APBB2: variants seen among roughly 807,000 people sequenced by gnomAD.
The protein encoded by APBB2 is amyloid beta precursor protein binding family B member 2, also known as Fe65-like 1.
APBB2 carries 38 observed loss-of-function variants against 82.5 expected under a neutral mutation model. The observed-to-expected ratio is 0.46, with a 90% confidence interval of 0.36 to 0.60. The LOEUF (loss-of-function observed/expected upper bound fraction) is 0.60. APBB2 is among the 20% of genes least tolerant of loss of function. The pLI is 0.00. For missense variants in APBB2, 772 were observed against 972.3 expected (o/e 0.79, Z 2.74); for synonymous variants, 341 against 368.2 (o/e 0.93, Z 0.85).
At chr4:41,201,879 T>C (rs992952327) in intron 1 of APBB2, among the ~76,000 whole-genome samples, 1 of 152,172 alleles carries the variant, frequency 6.6e-6, no homozygotes, top group African/African-American at 2.4e-5. Context: ...ACGCCCCACA[T>C]AGATCATACC....
chr4:41,092,073 T>A lies in APBB2; in HGVS notation c.-149+8566A>T, dbSNP rs113136713. ...TATGGTCCAGATCAAAATGCAGCCATCAAAATCTAATTTGCCAAAGCTGAT... is the reference window on the plus strand; with the variant it reads ...TATGGTCCAGATCAAAATGCAGCCAACAAAATCTAATTTGCCAAAGCTGAT... On this transcript the variant is annotated intron_variant, in intron 3 of 17. Coordinates refer to ENST00000508593, the MANE Select transcript of APBB2 (RefSeq NM_004307.2). Among the ~76,000 whole-genome samples, 1,189 of 152,268 alleles carry A rather than the reference T, an allele frequency of 7.8e-3. 18 individuals carry two copies. The highest frequency in any genetic ancestry group is 0.027 in the African/African-American group (1,111 of 41,552).
chr4:40,872,028 C>T (rs1765644024), intron 12 of APBB2, among the ~76,000 whole-genome samples: 1 of 152,172 alleles, frequency 6.6e-6, no homozygotes, highest in Non-Finnish European at 1.5e-5. Flanking sequence ...GTAGGGGTGG[C>T]GTATATTTCC....
At chr4:41,032,643 T>G (rs1430281761) in intron 5 of APBB2, among the ~76,000 whole-genome samples, 1 of 152,122 alleles carries the variant, frequency 6.6e-6, no homozygotes. Flanking sequence ...ATGGTAAAAT[T>G]TGACAGTTTT....
intron 6 of APBB2, among the ~76,000 whole-genome samples, chr4:40,958,532 T>C (rs1792263679): frequency 6.6e-6 from 1 of 152,192 alleles, no homozygotes; most frequent in Non-Finnish European, 1.5e-5. Context: ...AGCCTAAGCA[T>C]AATAATGAAA....
chr4:41,175,780 C>A (rs1769608554), intron 1 of APBB2, among the ~76,000 whole-genome samples: 1 of 152,018 alleles, frequency 6.6e-6, no homozygotes. Context: ...AAAATAAATG[C>A]CATGATATTA....
intron 12 of APBB2, among the ~76,000 whole-genome samples, chr4:40,839,599 G>A (rs1197715890): frequency 6.6e-6 from 1 of 151,946 alleles, no homozygotes; most frequent in Admixed American, 6.6e-5. Context: ...TTATAAATGA[G>A]GAAAAAGAAG....
chr4:40,957,345 C>T (rs1307550938), intron 6 of APBB2, among the ~76,000 whole-genome samples: 1 of 151,796 alleles, frequency 6.6e-6, no homozygotes, highest in Non-Finnish European at 1.5e-5. Flanking sequence ...GTAATTTGTA[C>T]TTAGATCAAG....
chr4:40,877,363 C>T (rs1767190254), intron 12 of APBB2, among the ~76,000 whole-genome samples: 2 of 152,174 alleles, frequency 1.3e-5, no homozygotes, highest in South Asian at 4.1e-4. Context: ...TCTCAAAAGA[C>T]AACTCAATTC....
At chr4:41,097,862 T>C (rs1580004641) in intron 3 of APBB2, among the ~76,000 whole-genome samples, 1 of 151,532 alleles carries the variant, frequency 6.6e-6, no homozygotes, top group African/African-American at 2.4e-5. Flanking sequence ...AGTGTGGAGG[T>C]TGTCTAGGGT....
intron 12 of APBB2, among the ~76,000 whole-genome samples, chr4:40,854,006 C>A (rs1760331178): frequency 6.6e-6 from 1 of 152,200 alleles, no homozygotes; most frequent in Non-Finnish European, 1.5e-5. Flanking sequence ...CTCAGTCCTT[C>A]ATGCTGCCTC....
chr4:41,010,483 G>C (rs1808023736), intron 6 of APBB2, among the ~76,000 whole-genome samples: 2 of 152,152 alleles, frequency 1.3e-5, no homozygotes, highest in Non-Finnish European at 2.9e-5. Context: ...GCAAATGAGT[G>C]GTAAGTGTCA....
At chr4:40,818,243 G>T (rs1232088103) in intron 17 of APBB2, among the ~76,000 whole-genome samples, 2 of 152,294 alleles carry the variant, frequency 1.3e-5, no homozygotes, top group Middle Eastern at 6.8e-3. Flanking sequence ...ATTCAGAGCG[G>T]GCAGGAGAGA....
chr4:40,818,424 C>T (rs978615113), intron 17 of APBB2, among the ~76,000 whole-genome samples: 10 of 152,160 alleles, frequency 6.6e-5, no homozygotes, highest in South Asian at 2.1e-4. Flanking sequence ...AACTCATTGT[C>T]GTTATCACTT....
chr4:40,935,258 G>A (rs1220731665), intron 7 of APBB2, 119 bp from the exon 8 acceptor site: 5 of 738,072 alleles, frequency 6.8e-6, no homozygotes, highest in Non-Finnish European at 1.1e-5. Flanking sequence ...AGATGGGTTA[G>A]GGAACAAGTT....
chr4:41,210,132 C>T (rs538655672), intron 1 of APBB2, among the ~76,000 whole-genome samples: 3 of 152,246 alleles, frequency 2.0e-5, no homozygotes, highest in South Asian at 2.1e-4. Flanking sequence ...GTCACTTGCC[C>T]GCCGCTCACC....
intron 2 of APBB2, among the ~76,000 whole-genome samples, chr4:41,103,825 C>T (rs1014137215): frequency 3.3e-5 from 5 of 152,188 alleles, no homozygotes; most frequent in Non-Finnish European, 5.9e-5. Flanking sequence ...GCTTCCTTGT[C>T]AATCACAAGT....
chr4:41,164,261 G>A (rs573800141), intron 1 of APBB2, among the ~76,000 whole-genome samples: 12 of 152,202 alleles, frequency 7.9e-5, no homozygotes, highest in Admixed American at 2.6e-4. Flanking sequence ...TCCCTCTTGC[G>A]GCATCACAAT....
rs74754172 is a variant in APBB2, at chr4:41,048,192, T to A, written c.-50-14888A>T. Among the ~76,000 whole-genome samples the A allele has an allele frequency of 2.7e-3, 413 of 152,354 alleles. 13 individuals are homozygous for A. The East Asian group carries it at 0.065, about 24-fold the overall frequency. On this transcript the variant is annotated intron_variant, in intron 4 of 17. Transcript: ENST00000508593. ...AAATCTGAAATCCAAAAGGCTCCAA[T>A]GAGCATTTCCTTTGAGAATCATGTC... is the stretch of plus-strand genomic sequence containing the variant.
chr4:41,042,764 C>G (rs1175809707), intron 4 of APBB2, among the ~76,000 whole-genome samples: 1 of 97,974 alleles, frequency 1.0e-5, no homozygotes, highest in African/African-American at 3.0e-5. Context: ...ACCCCTGCAG[C>G]TGACTGTAGC....
Sources: gnomAD v4.1 joint callset for allele counts (sites outside exome capture counted in the v4.1 genomes callset) on GRCh38, gnomAD v4.1.1 for gene constraint, MANE v1.5 for transcripts, NCBI Gene and HGNC (gene_info 2026-07-23, HGNC 2026-07-21) for gene names.